Variants in SLC25A12 observed in about 807,000 individuals in gnomAD.
SLC25A12 encodes the protein electrogenic aspartate/glutamate antiporter SLC25A12, mitochondrial.
SLC25A12 carries 32 observed loss-of-function variants against 83.3 expected under a neutral mutation model. The ratio of observed to expected loss-of-function variants is 0.38; its 90% CI spans 0.29 to 0.52. SLC25A12 has a LOEUF of 0.52. SLC25A12 is among the 20% of genes least tolerant of loss of function. SLC25A12 has a pLI of 0.84. For synonymous variants in SLC25A12, 267 were observed against 291.1 expected (o/e 0.92, Z 0.84); for missense variants, 611 against 835.6 (o/e 0.73, Z 3.31).
In SLC25A12 at chr2:171,848,366, G is replaced by A. The variant is rs1573979833; in HGVS notation, c.326-3858C>T. 8.9e-6 allele frequency: 4 copies of A among 449,570 alleles called. No homozygotes were observed. The East Asian group carries it at 2.1e-4, about 24-fold the overall frequency. The allele number at this position is 449,570 out of a possible 1,614,324, so 27.8% of individuals were successfully genotyped here. On this transcript the variant is annotated intron_variant, in intron 4 of 17. Transcript: ENST00000422440. ...TATTCCAAGGATTCCAGCCCAGCAG[G>A]AGCCACTACAACCAACTTATAGGCT...
intron 13 of SLC25A12, among the ~76,000 whole-genome samples, chr2:171,797,909 C>T (rs1683631482): frequency 6.6e-6 from 1 of 152,124 alleles, no homozygotes; most frequent in African/African-American, 2.4e-5. Flanking sequence ...TATATCATAC[C>T]TTTGCTGAAT....
rs73028754 is a variant in SLC25A12 at position 171,829,029 on chromosome 2, G to A, written c.846-2147C>T. Among the ~76,000 whole-genome samples the A allele has an allele frequency of 2.2e-3, 336 of 152,290 alleles. 1 individual carries two copies. In the Middle Eastern group the frequency reaches 0.027, roughly 12 times the overall value. ...AAATTTGAGTCACCAAATAAGCTAGGTTCTCTTCTTTCTTCCAGACCTCTA... is the reference window on the plus strand; with the variant it reads ...AAATTTGAGTCACCAAATAAGCTAGATTCTCTTCTTTCTTCCAGACCTCTA... On this transcript the variant is annotated intron_variant, in intron 8 of 17. Coordinates refer to ENST00000422440, the MANE Select transcript of SLC25A12 (RefSeq NM_003705.5).
intron 3 of SLC25A12, among the ~76,000 whole-genome samples, chr2:171,860,760 A>G (rs1337291816): frequency 6.6e-6 from 1 of 152,056 alleles, no homozygotes; most frequent in Admixed American, 6.6e-5. Flanking sequence ...GGATGGATAT[A>G]TGAAAAAGCA....
In SLC25A12 at chr2:171,784,816, A is replaced by G. The variant is rs572305038; in HGVS notation, c.*458T>C. The G allele has an allele frequency of 6.3e-5, 12 of 189,380 alleles. No homozygotes were observed. Among genetic ancestry groups the G allele is most frequent in the Non-Finnish European group, 1.2e-4 (11 of 89,114 alleles). 11.7% of individuals were successfully genotyped at this position (189,380 alleles called of 1,614,324 possible). On this transcript the variant is annotated 3_prime_UTR_variant, in exon 18 of 18. Coordinates refer to ENST00000422440, the MANE Select transcript of SLC25A12 (RefSeq NM_003705.5). ...GATGCTTTATTTCCATAAGTCACCA[A>G]TAAGAGAATGAATTTAATTTTAATA...
intron 8 of SLC25A12, among the ~76,000 whole-genome samples, chr2:171,829,090 C>T (rs1482445512): frequency 6.6e-6 from 1 of 152,240 alleles, no homozygotes; most frequent in South Asian, 2.1e-4. Flanking sequence ...TGATTCCCCA[C>T]TTGGCTGCAT....
intron 2 of SLC25A12, among the ~76,000 whole-genome samples, chr2:171,872,753 A>G (rs1685480822): frequency 1.3e-5 from 2 of 152,220 alleles, no homozygotes; most frequent in African/African-American, 2.4e-5. Context: ...GTTAAATCCA[A>G]TTTCAATTGC....
In SLC25A12 at chr2:171,812,531, C is replaced by A. The variant is rs533973583; in HGVS notation, c.1171+808G>T. Among the ~76,000 whole-genome samples the A allele has an allele frequency of 7.2e-5, 11 of 152,140 alleles. No homozygotes were observed. In the East Asian group the frequency reaches 2.1e-3, roughly 29 times the overall value. ...CCAAAGAGATTAAAAAATTAATCTC[C>A]CTCCCAAAGGAAACCCTATATTCTA... On this transcript the variant is annotated intron_variant, in intron 11 of 17. Coordinates refer to ENST00000422440, the MANE Select transcript of SLC25A12 (RefSeq NM_003705.5).
At chr2:171,841,236 C>CA (rs1332621577) in intron 5 of SLC25A12, among the ~76,000 whole-genome samples, 2 of 152,216 alleles carry the variant, frequency 1.3e-5, no homozygotes, top group African/African-American at 4.8e-5. Context: ...CCTGCCACCA[C>CA]ACCTGGCTAA....
intron 1 of SLC25A12, among the ~76,000 whole-genome samples, chr2:171,893,972 T>TTACCG (rs1336893668): frequency 6.6e-6 from 1 of 152,084 alleles, no homozygotes; most frequent in Non-Finnish European, 1.5e-5. Flanking sequence ...CTGACCCGTG[T>TTACCG]TACCGTACAA....
At chr2:171,858,200 G>C (rs1381347693) in intron 3 of SLC25A12, among the ~76,000 whole-genome samples, 1 of 152,084 alleles carries the variant, frequency 6.6e-6, no homozygotes, top group Non-Finnish European at 1.5e-5. Flanking sequence ...GGTCTTCAAT[G>C]AAGTATTTTC....
chr2:171,789,635 A>G (rs1683381095), intron 15 of SLC25A12, among the ~76,000 whole-genome samples: 1 of 152,192 alleles, frequency 6.6e-6, no homozygotes, highest in Non-Finnish European at 1.5e-5. Context: ...GAAGGGGTGC[A>G]TGTTTGCTCT....
intron 9 of SLC25A12, among the ~76,000 whole-genome samples, chr2:171,817,359 T>C (rs1684074262): frequency 6.6e-6 from 1 of 152,122 alleles, no homozygotes; most frequent in Non-Finnish European, 1.5e-5. Flanking sequence ...CTGAGCATTT[T>C]GGGAGGCCAA....
chr2:171,886,778 G>A (rs892193840), intron 2 of SLC25A12, among the ~76,000 whole-genome samples: 1 of 152,078 alleles, frequency 6.6e-6, no homozygotes, highest in African/African-American at 2.4e-5. Context: ...CCAAAGTGCT[G>A]GGATTACAGG....
At chr2:171,831,933 AC>A (rs534934086) in intron 8 of SLC25A12, among the ~76,000 whole-genome samples, 366 of 152,132 alleles carry the variant, frequency 2.4e-3, no homozygotes, top group African/African-American at 8.3e-3. Flanking sequence ...GAAAAACGTA[AC>A]AACAGCTAGA....
At chr2:171,868,288 T>C (rs1298254482) in intron 3 of SLC25A12, among the ~76,000 whole-genome samples, 1 of 150,716 alleles carries the variant, frequency 6.6e-6, no homozygotes, top group East Asian at 1.9e-4. Context: ...TAGATACCCG[T>C]AGGTAAGTTT....
intron 2 of SLC25A12, among the ~76,000 whole-genome samples, chr2:171,870,370 TC>T (rs1170806240): frequency 2.0e-5 from 3 of 151,992 alleles, no homozygotes; most frequent in Non-Finnish European, 4.4e-5. Context: ...CACCTGTAAT[TC>T]CAGCACTTGG....
intron 8 of SLC25A12, among the ~76,000 whole-genome samples, chr2:171,829,134 T>A (rs1574703937): frequency 6.6e-6 from 1 of 152,290 alleles, no homozygotes; most frequent in East Asian, 1.9e-4. Context: ...ACCCTGACAA[T>A]CTAAGGAGAA....
chr2:171,865,425 C>T (rs1017510759), intron 3 of SLC25A12, among the ~76,000 whole-genome samples: 2 of 152,104 alleles, frequency 1.3e-5, no homozygotes, highest in African/African-American at 4.8e-5. Context: ...GTTTGGGAGG[C>T]CGAGGCAGGC....
At chr2:171,793,895 C>T (rs1170893314) in intron 13 of SLC25A12, 128 bp from the exon 14 acceptor site, 21 of 1,068,504 alleles carry the variant, frequency 2.0e-5, no homozygotes, top group Non-Finnish European at 2.8e-5. Context: ...CTTCCTTCCT[C>T]AGGGGGGAAT....
Sources: gnomAD v4.1 joint callset for allele counts (sites outside exome capture counted in the v4.1 genomes callset) on GRCh38, gnomAD v4.1.1 for gene constraint, MANE v1.5 for transcripts, NCBI Gene and HGNC (gene_info 2026-07-23, HGNC 2026-07-21) for gene names.